The following SRFBP1 variants were observed in gnomAD, a reference collection of about 807,000 sequenced individuals.
The protein encoded by SRFBP1 is serum response factor binding protein 1.
In SRFBP1, 47 loss-of-function variants were observed where a neutral mutation model predicts 45.5. The ratio of observed to expected loss-of-function variants is 1.03; its 90% CI spans 0.82 to 1.32. The LOEUF (loss-of-function observed/expected upper bound fraction) is 1.32, where lower values mean the gene tolerates loss of function less well. SRFBP1 is among the 40% of genes most tolerant of loss of function. The pLI, the probability that SRFBP1 is intolerant of heterozygous loss-of-function variation, is 0.00. For synonymous variants in SRFBP1, 203 were observed against 166.3 expected, an observed-to-expected ratio of 1.22 and a Z score of -1.70; for missense variants, 621 against 484.6, an observed-to-expected ratio of 1.28 and a Z score of -2.64.
rs1278960386 is a variant in SRFBP1, at chr5:122,027,826, CTTAA to C, written c.*704_*707del. 6.6e-6 allele frequency: 1 copy of C among 152,016 alleles called. No homozygotes were observed. Among genetic ancestry groups the C allele is most frequent in the Non-Finnish European group, 1.5e-5 (1 of 67,996 alleles). The allele number at this position is 152,016 out of a possible 1,614,324, so 9.4% of individuals were successfully genotyped here. A position where few individuals can be genotyped will look rare whatever the true frequency, so the allele number is the denominator to read the frequency against. On this transcript the variant is annotated 3_prime_UTR_variant, in exon 8 of 8. Transcript: ENST00000339397. Reference sequence around the variant, plus strand: ...AGTTGTCTAGGACAATTTTGGGATTCTTAATTATATTTTAGTTAAGAAAATTGTT... The same window carrying C: ...AGTTGTCTAGGACAATTTTGGGATTCTTATATTTTAGTTAAGAAAATTGTT...
chr5:122,075,729 G>A (rs1754598288), downstream of SRFBP1, among the ~76,000 whole-genome samples: 1 of 152,060 alleles, frequency 6.6e-6, no homozygotes, highest in Middle Eastern at 3.2e-3. Flanking sequence ...GAACCGTCTT[G>A]GAGTAGTCAG....
At chr5:122,031,016 G>A (rs920169127), downstream of SRFBP1, among the ~76,000 whole-genome samples, 4 of 152,100 alleles carry the variant, frequency 2.6e-5, no homozygotes, top group African/African-American at 9.7e-5. Context: ...CTGACCTTGA[G>A]GCACTGCATA....
chr5:122,009,729 T>A (rs1753050769), intron 4 of SRFBP1, among the ~76,000 whole-genome samples: 1 of 152,218 alleles, frequency 6.6e-6, no homozygotes, highest in African/African-American at 2.4e-5. Context: ...TTCTTGTCTA[T>A]CTACTATTCT....
At chr5:121,992,486 C>G (rs1336079581) in intron 3 of SRFBP1, among the ~76,000 whole-genome samples, 1 of 151,948 alleles carries the variant, frequency 6.6e-6, no homozygotes, top group Non-Finnish European at 1.5e-5. Context: ...TTTGGCTTAC[C>G]TGGATAATCC....
At chr5:122,072,024 T>G (rs768210159) in intron 2 of SRFBP1, among the ~76,000 whole-genome samples, 89 of 152,184 alleles carry the variant, frequency 5.8e-4, no homozygotes, top group Non-Finnish European at 9.7e-4. Context: ...AATGAAGAAT[T>G]TTTGGTCTGA....
chr5:122,047,947 T>C (rs1203189085), intron 2 of SRFBP1, among the ~76,000 whole-genome samples: 1 of 152,192 alleles, frequency 6.6e-6, no homozygotes, highest in Non-Finnish European at 1.5e-5. Flanking sequence ...GATTTTGGGC[T>C]GAGATGATGG....
At chr5:122,050,788 A>G (rs950180896) in intron 2 of SRFBP1, among the ~76,000 whole-genome samples, 8 of 152,136 alleles carry the variant, frequency 5.3e-5, no homozygotes, top group East Asian at 1.9e-4. Flanking sequence ...CTTGTCTTCC[A>G]TAAGCTTTGG....
intron 3 of SRFBP1, among the ~76,000 whole-genome samples, chr5:121,975,890 TC>T (rs1026014907): frequency 7.2e-5 from 11 of 151,922 alleles, no homozygotes; most frequent in African/African-American, 2.7e-4. Flanking sequence ...GTTTTTTTTT[TC>T]AGTCAGACTC....
At position 121,965,117 on chromosome 5, in the gene SRFBP1, A is replaced by C. The variant is rs1048668581; in HGVS notation, c.36+3049A>C. ...CTTTGTCCGATGGATAGATTGCAAA[A>C]ATTTTCTCCCATTCTGTAGGTTGCA... On this transcript the variant is annotated intron_variant, in intron 1 of 7. Transcript: ENST00000339397. Among the ~76,000 whole-genome samples, 7 of 152,026 alleles carry C rather than the reference A, an allele frequency of 4.6e-5. No homozygotes were observed. The East Asian group carries it at 1.3e-3, about 29-fold the overall frequency.
chr5:122,052,084 T>A (rs1753997875), intron 2 of SRFBP1, among the ~76,000 whole-genome samples: 1 of 152,206 alleles, frequency 6.6e-6, no homozygotes, highest in Non-Finnish European at 1.5e-5. Flanking sequence ...TACCAGTCTC[T>A]TCTGAGTTGT....
At chr5:122,036,963 C>T (rs761293411) in intron 2 of SRFBP1, among the ~76,000 whole-genome samples, 11 of 150,626 alleles carry the variant, frequency 7.3e-5, no homozygotes, top group African/African-American at 1.7e-4. Flanking sequence ...GGCGTGATCT[C>T]GGCTCACTGC....
intron 4 of SRFBP1, among the ~76,000 whole-genome samples, chr5:121,995,279 G>A (rs1005618637): frequency 1.3e-5 from 2 of 151,894 alleles, no homozygotes; most frequent in African/African-American, 4.8e-5. Context: ...GCTCTCCTCA[G>A]CAAATGTAAA....
At chr5:122,054,598 T>C (rs1265690170) in intron 2 of SRFBP1, among the ~76,000 whole-genome samples, 1 of 152,214 alleles carries the variant, frequency 6.6e-6, no homozygotes, top group African/African-American at 2.4e-5. Context: ...GTAAGCCTGA[T>C]TTGGCTCATG....
intron 4 of SRFBP1, among the ~76,000 whole-genome samples, chr5:122,008,609 C>T (rs1286106885): frequency 6.6e-6 from 1 of 152,050 alleles, no homozygotes; most frequent in Non-Finnish European, 1.5e-5. Context: ...AATTTCTGTG[C>T]TATACCTAGG....
intron 2 of SRFBP1, among the ~76,000 whole-genome samples, chr5:122,068,174 T>TAAAAAAAAAAAAAAAAAAAAAAA (rs10650287): frequency 8.6e-6 from 1 of 115,910 alleles, no homozygotes; most frequent in Admixed American, 9.2e-5. Context: ...TAATAACTAG[T>TAAAAAAAAAAAAAAAAAAAAAAA]AAAAAAAAAA....
At chr5:122,006,953 G>T (rs1180682740) in intron 4 of SRFBP1, among the ~76,000 whole-genome samples, 1 of 151,962 alleles carries the variant, frequency 6.6e-6, no homozygotes, top group Non-Finnish European at 1.5e-5. Flanking sequence ...TTGTCGTGTT[G>T]TATCTCTTAG....
chr5:121,962,160 G>C, intron 1 of SRFBP1, 92 bp downstream of exon 1: 1 of 1,520,942 alleles, frequency 6.6e-7, no homozygotes, highest in Non-Finnish European at 9.0e-7. Flanking sequence ...TAGAGGGTGC[G>C]GTTGGAGGAA....
At chr5:122,021,060 C>T (rs1753305471) in intron 6 of SRFBP1, among the ~76,000 whole-genome samples, 1 of 152,168 alleles carries the variant, frequency 6.6e-6, no homozygotes, top group South Asian at 2.1e-4. Context: ...TATTCCTTCA[C>T]TTATCAAAGT....
chr5:122,055,683 A>G (rs1754065854), intron 2 of SRFBP1, among the ~76,000 whole-genome samples: 1 of 152,192 alleles, frequency 6.6e-6, no homozygotes. Context: ...AAATCTAGGG[A>G]AAGAAGGATG....
Sources: allele counts gnomAD v4.1 joint callset (sites outside exome capture counted in the v4.1 genomes callset), GRCh38; gene constraint gnomAD v4.1.1; transcripts MANE v1.5; gene names NCBI Gene and HGNC (gene_info 2026-07-23, HGNC 2026-07-21).